The following SH3PXD2A variants were observed in gnomAD, a reference collection of about 807,000 sequenced individuals.
SH3PXD2A encodes the protein SH3 and PX domains 2A.
A neutral mutation model predicts 115.2 loss-of-function variants in SH3PXD2A; 32 were observed. The observed-to-expected ratio is 0.28, with a 90% CI of 0.21 to 0.37. SH3PXD2A has a LOEUF of 0.37. Ranked by LOEUF, SH3PXD2A falls within the 10% of genes least tolerant of loss-of-function variation. SH3PXD2A has a pLI of 1.00. For synonymous variants in SH3PXD2A, 610 were observed against 629.1 expected, an observed-to-expected ratio of 0.97 and a Z score of 0.45; for missense variants, 1,328 against 1,498.7, an observed-to-expected ratio of 0.89 and a Z score of 1.88.
At chr10:103,607,019 T>C (rs370887866) in intron 13 of SH3PXD2A, among the ~76,000 whole-genome samples, 1 of 147,060 alleles carries the variant, frequency 6.8e-6, no homozygotes, top group African/African-American at 2.6e-5. Flanking sequence ...GGAGCGTCTC[T>C]GCCCGGCCGC....
intron 3 of SH3PXD2A, among the ~76,000 whole-genome samples, chr10:103,757,472 G>A (rs2038655496): frequency 6.6e-6 from 1 of 152,154 alleles, no homozygotes; most frequent in Non-Finnish European, 1.5e-5. Context: ...AATCCATCCA[G>A]GACGGAGGGT....
chr10:103,617,058 G>A (rs2036529507), intron 11 of SH3PXD2A, 139 bp downstream of exon 11: 2 of 680,608 alleles, frequency 2.9e-6, no homozygotes, highest in Non-Finnish European at 5.3e-6. Flanking sequence ...GCTGTGCAGA[G>A]GTGCAGCAGC....
chr10:103,753,495 C>CAAA (rs58148179), intron 3 of SH3PXD2A, among the ~76,000 whole-genome samples: 19 of 65,416 alleles, frequency 2.9e-4, no homozygotes, highest in East Asian at 1.4e-3. Context: ...GACCCCATCT[C>CAAA]AAAAAAAAAA....
chr10:103,662,349 G>C (rs4918039), intron 7 of SH3PXD2A, among the ~76,000 whole-genome samples: 33,417 of 81,434 alleles, frequency 0.41, 8,820 homozygotes, highest in East Asian at 0.64. Flanking sequence ...GGCGGGGGGG[G>C]GGGCGGGGGG....
At chr10:103,842,049 C>T (rs1435057807) in intron 1 of SH3PXD2A, among the ~76,000 whole-genome samples, 7 of 146,576 alleles carry the variant, frequency 4.8e-5, no homozygotes, top group African/African-American at 7.5e-5. Flanking sequence ...GGCGTGAACC[C>T]GGGAGGTGGA....
chr10:103,707,860 C>T (rs745949800), intron 5 of SH3PXD2A, among the ~76,000 whole-genome samples: 19 of 152,140 alleles, frequency 1.2e-4, no homozygotes, highest in Non-Finnish European at 2.2e-4. Flanking sequence ...CCTTCCTACC[C>T]TCCTGCCCTC....
intron 8 of SH3PXD2A, among the ~76,000 whole-genome samples, chr10:103,641,149 C>T (rs1354014538): frequency 2.0e-5 from 3 of 152,162 alleles, no homozygotes; most frequent in Admixed American, 1.3e-4. Context: ...GATGCAAAGT[C>T]TTAAATGGAG....
At chr10:103,663,323 T>G (rs982780833) in intron 7 of SH3PXD2A, among the ~76,000 whole-genome samples, 6 of 152,204 alleles carry the variant, frequency 3.9e-5, no homozygotes, top group Non-Finnish European at 8.8e-5. Context: ...TATCTTCCAT[T>G]TCACAAAAGA....
intron 2 of SH3PXD2A, among the ~76,000 whole-genome samples, chr10:103,773,543 G>A (rs1486889225): frequency 2.6e-5 from 4 of 151,556 alleles, no homozygotes; most frequent in African/African-American, 9.7e-5. Flanking sequence ...AGGTTCAAGC[G>A]ATTCTTCTGC....
rs114309860 is a variant in SH3PXD2A at position 103,670,779 on chromosome 10, A to G, written c.428-2127T>C. 5.2e-3 allele frequency among the ~76,000 whole-genome samples: 793 copies of G among 152,358 alleles called. 6 individuals carry two copies. The highest frequency in any genetic ancestry group is 0.018 in the African/African-American group (732 of 41,586). Reference sequence around the variant, plus strand: ...AGGAGCAATGCTGGCCCAGCTTTCAAGCCCTGGTAGGGCTGAGACAAGGTA... The same window carrying G: ...AGGAGCAATGCTGGCCCAGCTTTCAGGCCCTGGTAGGGCTGAGACAAGGTA... On this transcript the variant is annotated intron_variant, in intron 6 of 14. Transcript: ENST00000369774.
At chr10:103,671,447 A>G (rs915202193) in intron 6 of SH3PXD2A, among the ~76,000 whole-genome samples, 1 of 152,226 alleles carries the variant, frequency 6.6e-6, no homozygotes, top group Non-Finnish European at 1.5e-5. Flanking sequence ...CCGTAAAGGA[A>G]AATGGGAAGC....
At chr10:103,664,193 G>C (rs1290685903) in intron 7 of SH3PXD2A, among the ~76,000 whole-genome samples, 1 of 152,200 alleles carries the variant, frequency 6.6e-6, no homozygotes, top group African/African-American at 2.4e-5. Flanking sequence ...ACGAGAAATG[G>C]GGCCTCCTTT....
intron 2 of SH3PXD2A, among the ~76,000 whole-genome samples, chr10:103,776,470 G>GTGTGTA (rs2038880997): frequency 6.9e-6 from 1 of 143,964 alleles, no homozygotes; most frequent in Admixed American, 7.1e-5. Context: ...GTGTGTGTGT[G>GTGTGTA]TATTCTAACT....
At chr10:103,826,043 G>A (rs1472877174) in intron 1 of SH3PXD2A, among the ~76,000 whole-genome samples, 2 of 152,266 alleles carry the variant, frequency 1.3e-5, no homozygotes, top group Non-Finnish European at 2.9e-5. Flanking sequence ...GATTACAGGC[G>A]TGAGCCACCG....
At chr10:103,785,563 G>A (rs1554923400) in intron 2 of SH3PXD2A, among the ~76,000 whole-genome samples, 1 of 152,176 alleles carries the variant, frequency 6.6e-6, no homozygotes, top group Non-Finnish European at 1.5e-5. Flanking sequence ...GAGGGGGACA[G>A]AGCAATGGCT....
chr10:103,778,998 A>C (rs1249272816), intron 2 of SH3PXD2A, among the ~76,000 whole-genome samples: 1 of 152,214 alleles, frequency 6.6e-6, no homozygotes, highest in Non-Finnish European at 1.5e-5. Context: ...GCCAGCTCTG[A>C]GCCTGGCTCC....
chr10:103,839,423 C>T (rs534903932), intron 1 of SH3PXD2A, among the ~76,000 whole-genome samples: 5 of 152,332 alleles, frequency 3.3e-5, no homozygotes, highest in East Asian at 3.9e-4. Flanking sequence ...TCACTGAGCT[C>T]TTGCTCTGTG....
At chr10:103,836,037 G>A (rs1418970592) in intron 1 of SH3PXD2A, among the ~76,000 whole-genome samples, 1 of 152,164 alleles carries the variant, frequency 6.6e-6, no homozygotes, top group African/African-American at 2.4e-5. Flanking sequence ...TTGAGTGAGT[G>A]ACTCAGCCTT....
At chr10:103,619,718 G>C (rs888868266) in intron 10 of SH3PXD2A, among the ~76,000 whole-genome samples, 2 of 152,334 alleles carry the variant, frequency 1.3e-5, no homozygotes, top group East Asian at 3.9e-4. Context: ...GCAGAACCAG[G>C]GATATCAGTT....
Sources: allele counts gnomAD v4.1 joint callset (sites outside exome capture counted in the v4.1 genomes callset), GRCh38; gene constraint gnomAD v4.1.1; transcripts MANE v1.5; gene names NCBI Gene and HGNC (gene_info 2026-07-23, HGNC 2026-07-21).